ERC2: variants seen among roughly 807,000 people sequenced by gnomAD.
ERC2 encodes ERC protein 2.
In ERC2, 42 loss-of-function variants were observed where a neutral mutation model predicts 114.8. The observed-to-expected ratio is 0.37, with a 90% CI of 0.29 to 0.47. The LOEUF (loss-of-function observed/expected upper bound fraction) is 0.47, where lower values mean the gene tolerates loss of function less well. Ranked by LOEUF, ERC2 falls within the 20% of genes least tolerant of loss-of-function variation. The probability of loss-of-function intolerance (pLI) is 0.99; values close to 1 mark genes in which losing one functional copy is unlikely to be tolerated. For missense variants in ERC2, 939 were observed against 1,150.7 expected (o/e 0.82, Z 2.66); for synonymous variants, 454 against 425.5 (o/e 1.07, Z -0.82).
At chr3:55,684,879 T>A (rs1425452460) in intron 16 of ERC2, among the ~76,000 whole-genome samples, 2 of 152,204 alleles carry the variant, frequency 1.3e-5, no homozygotes, top group Non-Finnish European at 2.9e-5. Context: ...GATTTTTCCA[T>A]AATTTGCTTC....
chr3:55,575,253 A>G (rs371025843), intron 17 of ERC2, among the ~76,000 whole-genome samples: 3 of 152,082 alleles, frequency 2.0e-5, no homozygotes, highest in East Asian at 1.9e-4. Context: ...CCTGACCTCA[A>G]GTGATCTGCT....
intron 4 of ERC2, among the ~76,000 whole-genome samples, chr3:56,170,602 T>TTTTG (rs2082600520): frequency 7.0e-6 from 1 of 143,654 alleles, no homozygotes; most frequent in African/African-American, 2.6e-5. Flanking sequence ...TTTTTTTTTT[T>TTTTG]TTTTTTTTTT....
At chr3:56,278,486 C>A (rs779188304) in intron 3 of ERC2, among the ~76,000 whole-genome samples, 17 of 152,112 alleles carry the variant, frequency 1.1e-4, no homozygotes, top group Non-Finnish European at 2.2e-4. Context: ...AACATAGGAT[C>A]CTGGAATGGC....
chr3:55,749,102 T>C (rs900696614), intron 14 of ERC2, among the ~76,000 whole-genome samples: 1 of 152,114 alleles, frequency 6.6e-6, no homozygotes, highest in Non-Finnish European at 1.5e-5. Flanking sequence ...AGAAGGCCTT[T>C]TGCACAAATT....
intron 6 of ERC2, among the ~76,000 whole-genome samples, chr3:56,115,780 A>G (rs905127464): frequency 1.3e-4 from 20 of 152,076 alleles, no homozygotes; most frequent in African/African-American, 4.6e-4. Context: ...GCCAATTCCT[A>G]GAGATTACAA....
intron 13 of ERC2, among the ~76,000 whole-genome samples, chr3:55,927,381 T>C (rs1406506299): frequency 6.6e-6 from 1 of 152,158 alleles, no homozygotes; most frequent in Admixed American, 6.5e-5. Context: ...GAATGATCCA[T>C]CCCACAAAGT....
intron 2 of ERC2, among the ~76,000 whole-genome samples, chr3:56,340,999 A>T (rs2058069400): frequency 6.6e-6 from 1 of 152,124 alleles, no homozygotes; most frequent in African/African-American, 2.4e-5. Context: ...AAATCCTGAA[A>T]CTAATTTAGC....
intron 2 of ERC2, among the ~76,000 whole-genome samples, chr3:56,306,689 T>C (rs1169794761): frequency 6.6e-6 from 1 of 152,166 alleles, no homozygotes; most frequent in Non-Finnish European, 1.5e-5. Flanking sequence ...ACGTGTTCTT[T>C]TGTACCTATC....
At chr3:56,039,437 A>G (rs1215524012) in intron 7 of ERC2, among the ~76,000 whole-genome samples, 1 of 152,210 alleles carries the variant, frequency 6.6e-6, no homozygotes, top group Non-Finnish European at 1.5e-5. Context: ...GAATAAATTT[A>G]ATCAAGAAGG....
intron 14 of ERC2, among the ~76,000 whole-genome samples, chr3:55,772,362 T>C (rs1389068918): frequency 3.9e-5 from 6 of 152,060 alleles, no homozygotes; most frequent in Non-Finnish European, 7.4e-5. Flanking sequence ...TAGCCCAGGC[T>C]GGAGTGCAGT....
At chr3:55,633,994 G>C (rs2059857130) in intron 17 of ERC2, among the ~76,000 whole-genome samples, 1 of 152,104 alleles carries the variant, frequency 6.6e-6, no homozygotes, top group Non-Finnish European at 1.5e-5. Context: ...CAAGATCAGG[G>C]GACTTGCCAC....
chr3:56,206,676 C>A (rs2048757042), intron 3 of ERC2, among the ~76,000 whole-genome samples: 1 of 152,158 alleles, frequency 6.6e-6, no homozygotes, highest in East Asian at 1.9e-4. Context: ...ATATGCAGAC[C>A]TTATAAAACA....
At chr3:55,994,944 A>C (rs1315783092) in intron 10 of ERC2, among the ~76,000 whole-genome samples, 1 of 152,204 alleles carries the variant, frequency 6.6e-6, no homozygotes, top group African/African-American at 2.4e-5. Flanking sequence ...AAGTTAGGTC[A>C]TGTCATTAGA....
At chr3:56,225,256 GA>G (rs760617445) in intron 3 of ERC2, among the ~76,000 whole-genome samples, 6 of 152,068 alleles carry the variant, frequency 3.9e-5, no homozygotes, top group Non-Finnish European at 7.4e-5. Context: ...AAAAAAGGGG[GA>G]AAAAAGCATT....
chr3:55,675,112 C>G (rs536630172), intron 17 of ERC2, among the ~76,000 whole-genome samples: 1 of 152,182 alleles, frequency 6.6e-6, no homozygotes, highest in African/African-American at 2.4e-5. Context: ...ATTGAACACA[C>G]GAGCACCTTA....
At chr3:55,925,626 A>G (rs547507504) in intron 13 of ERC2, among the ~76,000 whole-genome samples, 1 of 152,164 alleles carries the variant, frequency 6.6e-6, no homozygotes, top group African/African-American at 2.4e-5. Context: ...CCCCAATATG[A>G]TCTTCCAAAT....
chr3:56,237,570 A>G (rs2051034930), intron 3 of ERC2, among the ~76,000 whole-genome samples: 1 of 152,190 alleles, frequency 6.6e-6, no homozygotes, highest in African/African-American at 2.4e-5. Context: ...CTATGTAGAA[A>G]TGCATTTAAG....
chr3:55,673,019 T>C (rs1382361348), intron 17 of ERC2, among the ~76,000 whole-genome samples: 1 of 152,192 alleles, frequency 6.6e-6, no homozygotes, highest in Admixed American at 6.5e-5. Flanking sequence ...GTCACCTCCT[T>C]ATCTGATATA....
intron 14 of ERC2, among the ~76,000 whole-genome samples, chr3:55,816,548 AT>A (rs1273426342): frequency 2.0e-5 from 3 of 152,202 alleles, no homozygotes; most frequent in Non-Finnish European, 2.9e-5. Flanking sequence ...CATTCTGAGT[AT>A]GTAGCAGACT....
Sources: gnomAD v4.1 joint callset for allele counts (sites outside exome capture counted in the v4.1 genomes callset) on GRCh38, gnomAD v4.1.1 for gene constraint, MANE v1.5 for transcripts, NCBI Gene and HGNC (gene_info 2026-07-23, HGNC 2026-07-21) for gene names.